ARHGAP26: variants seen among roughly 807,000 people sequenced by gnomAD.
The protein encoded by ARHGAP26 is Rho GTPase activating protein 26.
In ARHGAP26, 38 loss-of-function variants were observed where a neutral mutation model predicts 104.8. That is an observed-to-expected ratio of 0.36 (90% CI 0.28 to 0.48). The LOEUF (loss-of-function observed/expected upper bound fraction) is 0.48. Among genes scored for constraint, ARHGAP26 ranks in the 20% least tolerant of loss-of-function variants. The pLI is 0.99. For synonymous variants in ARHGAP26, 341 were observed against 340.0 expected, an observed-to-expected ratio of 1.00 and a Z score of -0.03; for missense variants, 704 against 947.9, an observed-to-expected ratio of 0.74 and a Z score of 3.38.
chr5:142,927,316 C>T (rs1764051488), intron 10 of ARHGAP26, among the ~76,000 whole-genome samples: 1 of 143,522 alleles, frequency 7.0e-6, no homozygotes, highest in South Asian at 2.6e-4. Context: ...TCAGTCACTG[C>T]CCATATCTCT....
chr5:143,213,072 G>T (rs186106602), intron 21 of ARHGAP26, among the ~76,000 whole-genome samples: 189 of 152,284 alleles, frequency 1.2e-3, no homozygotes, highest in Non-Finnish European at 2.0e-3. Context: ...GTGAACCCAG[G>T]AGGCGGAGCT....
chr5:143,091,364 T>G (rs1791415710), intron 17 of ARHGAP26, among the ~76,000 whole-genome samples: 1 of 152,204 alleles, frequency 6.6e-6, no homozygotes, highest in Non-Finnish European at 1.5e-5. Flanking sequence ...GCTAAAAGAC[T>G]TAGTTTTGCG....
intron 10 of ARHGAP26, among the ~76,000 whole-genome samples, chr5:142,924,114 G>C (rs1301265793): frequency 6.6e-6 from 1 of 151,920 alleles, no homozygotes; most frequent in Non-Finnish European, 1.5e-5. Flanking sequence ...CACCCGCCTC[G>C]GCATCCCAAA....
intron 1 of ARHGAP26, among the ~76,000 whole-genome samples, chr5:142,819,182 C>T (rs1765660142): frequency 6.6e-6 from 1 of 152,172 alleles, no homozygotes; most frequent in Non-Finnish European, 1.5e-5. Flanking sequence ...TCACCCTAGT[C>T]CAAGTCGAAA....
chr5:143,056,188 C>A, intron 16 of ARHGAP26, 102 bp downstream of exon 16: 1 of 943,816 alleles, frequency 1.1e-6, no homozygotes, highest in African/African-American at 1.6e-5. Context: ...CCTTCGTATT[C>A]TGCACATAAA....
At chr5:142,965,127 T>C (rs1212337601) in intron 11 of ARHGAP26, among the ~76,000 whole-genome samples, 1 of 152,180 alleles carries the variant, frequency 6.6e-6, no homozygotes, top group Non-Finnish European at 1.5e-5. Flanking sequence ...TATCAGAGAC[T>C]TTTAGTACTT....
intron 17 of ARHGAP26, among the ~76,000 whole-genome samples, chr5:143,095,438 C>T (rs1792151993): frequency 6.6e-6 from 1 of 152,106 alleles, no homozygotes. Context: ...CTTCAACAGC[C>T]TTTGTCTATG....
intron 1 of ARHGAP26, among the ~76,000 whole-genome samples, chr5:142,786,807 C>T (rs891270562): frequency 7.2e-5 from 11 of 151,792 alleles, no homozygotes; most frequent in East Asian, 3.9e-4. Context: ...CTACCACAGC[C>T]GGCTAATTTT....
intron 17 of ARHGAP26, among the ~76,000 whole-genome samples, chr5:143,089,161 C>CT (rs1791044755): frequency 1.3e-5 from 2 of 152,098 alleles, no homozygotes; most frequent in African/African-American, 2.4e-5. Flanking sequence ...TCTTTTTAAA[C>CT]TTTTTAACGT....
intron 20 of ARHGAP26, among the ~76,000 whole-genome samples, chr5:143,161,766 G>C (rs1801266420): frequency 6.6e-6 from 1 of 152,178 alleles, no homozygotes; most frequent in Non-Finnish European, 1.5e-5. Context: ...GGGTAGAAGT[G>C]ATATTGTTTG....
At chr5:142,847,151 C>T (rs367991630) in intron 1 of ARHGAP26, among the ~76,000 whole-genome samples, 1 of 152,076 alleles carries the variant, frequency 6.6e-6, no homozygotes, top group African/African-American at 2.4e-5. Context: ...CAGTGCCTGT[C>T]TCATGGGATT....
At chr5:143,167,415 A>C (rs781773105) in intron 20 of ARHGAP26, among the ~76,000 whole-genome samples, 1 of 137,084 alleles carries the variant, frequency 7.3e-6, no homozygotes, top group Non-Finnish European at 1.5e-5. Context: ...CCGGGGGGGA[A>C]GAGGTTACAG....
chr5:142,773,195 A>G (rs1755601174), intron 1 of ARHGAP26, among the ~76,000 whole-genome samples: 1 of 152,074 alleles, frequency 6.6e-6, no homozygotes, highest in Non-Finnish European at 1.5e-5. Context: ...TTTGTGTATT[A>G]TTTTTCTTCA....
chr5:143,033,484 A>C (rs575243603), intron 12 of ARHGAP26, among the ~76,000 whole-genome samples: 41 of 152,326 alleles, frequency 2.7e-4, no homozygotes, highest in South Asian at 1.9e-3. Flanking sequence ...CACACACACA[A>C]AAAAAGGTTC....
At chr5:143,111,713 C>CT (rs1191869343) in intron 17 of ARHGAP26, among the ~76,000 whole-genome samples, 4 of 152,198 alleles carry the variant, frequency 2.6e-5, no homozygotes, top group Non-Finnish European at 4.4e-5. Flanking sequence ...GTAGTGTGAG[C>CT]TCATGCTATA....
chr5:143,037,799 CCTGT>C (rs1243380580), intron 13 of ARHGAP26, among the ~76,000 whole-genome samples: 1 of 152,290 alleles, frequency 6.6e-6, no homozygotes, highest in Admixed American at 6.5e-5. Flanking sequence ...TAATTGTTTT[CCTGT>C]CTAAGTTCAC....
At chr5:143,167,307 TAAAAAAAAA>T (rs35142931) in intron 20 of ARHGAP26, among the ~76,000 whole-genome samples, 1 of 96,914 alleles carries the variant, frequency 1.0e-5, no homozygotes, top group African/African-American at 4.1e-5. Flanking sequence ...ATCTCTACTT[TAAAAAAAAA>T]AAAAAAAAAA....
chr5:143,220,183 T>C (rs1810954479), intron 22 of ARHGAP26, among the ~76,000 whole-genome samples: 2 of 152,244 alleles, frequency 1.3e-5, no homozygotes, highest in Non-Finnish European at 2.9e-5. Flanking sequence ...TTTGTTTTTT[T>C]GTTTTGTCAG....
intron 1 of ARHGAP26, among the ~76,000 whole-genome samples, chr5:142,832,105 G>A (rs1768557527): frequency 6.6e-6 from 1 of 152,186 alleles, no homozygotes; most frequent in Non-Finnish European, 1.5e-5. Flanking sequence ...AAGGGATGCT[G>A]TTGTTCAGAT....
Sources: gnomAD v4.1 joint callset for allele counts (sites outside exome capture counted in the v4.1 genomes callset) on GRCh38, gnomAD v4.1.1 for gene constraint, MANE v1.5 for transcripts, NCBI Gene and HGNC (gene_info 2026-07-23, HGNC 2026-07-21) for gene names.